The following OLAH variants were observed in gnomAD, a reference collection of about 807,000 sequenced individuals.
OLAH encodes the protein oleoyl-ACP hydrolase.
In OLAH, 33 loss-of-function variants were observed where a neutral mutation model predicts 27.8. The ratio of observed to expected loss-of-function variants is 1.19; its 90% CI spans 0.90 to 1.59. The LOEUF (loss-of-function observed/expected upper bound fraction) is 1.59, where lower values mean the gene tolerates loss of function less well. OLAH is among the 40% of genes most tolerant of loss of function. The pLI, the probability that OLAH is intolerant of heterozygous loss-of-function variation, is 0.00. For missense variants in OLAH, 359 were observed against 310.8 expected (o/e 1.16, Z -1.17); for synonymous variants, 120 against 102.9 (o/e 1.17, Z -1.01).
intron 6 of OLAH, 129 bp from the exon 7 acceptor site, chr10:15,071,666 G>C: frequency 7.1e-7 from 1 of 1,414,318 alleles, no homozygotes; most frequent in Non-Finnish European, 9.4e-7. Flanking sequence ...GGTGAAAAAT[G>C]TTTTACACTG....
upstream of OLAH, among the ~76,000 whole-genome samples, chr10:15,041,580 T>C (rs1038555702): frequency 6.9e-5 from 6 of 86,366 alleles, no homozygotes; most frequent in African/African-American, 3.2e-4. Flanking sequence ...ACCCAGCCAT[T>C]TTTTTTTTCT....
intron 3 of OLAH, among the ~76,000 whole-genome samples, chr10:15,056,486 A>G (rs1844247651): frequency 6.6e-6 from 1 of 152,208 alleles, no homozygotes; most frequent in Admixed American, 6.5e-5. Context: ...TGCTCTGTGC[A>G]TGAAATTATT....
At chr10:15,050,436 T>C (rs909158130) in intron 3 of OLAH, among the ~76,000 whole-genome samples, 1 of 152,028 alleles carries the variant, frequency 6.6e-6, no homozygotes, top group African/African-American at 2.4e-5. Flanking sequence ...CCCAGCTAAT[T>C]TTTGCATTTT....
At chr10:15,055,131 AT>A (rs1387748039) in intron 3 of OLAH, among the ~76,000 whole-genome samples, 1 of 152,126 alleles carries the variant, frequency 6.6e-6, no homozygotes, top group Non-Finnish European at 1.5e-5. Flanking sequence ...CGCCCGGCTA[AT>A]TTTTATATTT....
At chr10:15,056,036 G>T (rs1844238994) in intron 3 of OLAH, among the ~76,000 whole-genome samples, 1 of 152,006 alleles carries the variant, frequency 6.6e-6, no homozygotes, top group Admixed American at 6.6e-5. Flanking sequence ...TTTTAGTAGA[G>T]ACAGGATTTC....
At chr10:15,064,960 C>T (rs1355438657) in intron 5 of OLAH, among the ~76,000 whole-genome samples, 1 of 152,184 alleles carries the variant, frequency 6.6e-6, no homozygotes, top group African/African-American at 2.4e-5. Context: ...CCCAGCCTGC[C>T]ATTACTTGCA....
rs751219091 is a variant in OLAH at position 15,064,431 on chromosome 10, G to C, written c.331G>C (p.Ala111Pro). Residue 111 changes from alanine to proline, a missense_variant, in exon 5 of 8, where the codon GCA becomes CCA. Coordinates refer to ENST00000378228, the MANE Select transcript of OLAH (RefSeq NM_001039702.3). Reference sequence around the variant, plus strand: ...GGGATCCTACATTGCTTTTAGGACTGCACTAGGTCTAAAAGAAAACAATCA... The same window carrying C: ...GGGATCCTACATTGCTTTTAGGACTCCACTAGGTCTAAAAGAAAACAATCA... ...SMGSYIAFRT[A>P]LGLKENNQPE... The C allele has an allele frequency of 2.5e-6, 4 of 1,601,694 alleles. No individual in the cohort carries two copies. Among genetic ancestry groups the C allele is most frequent in the Non-Finnish European group, 1.7e-6 (2 of 1,175,076 alleles).
chr10:15,066,144 G>A (rs61842447), intron 6 of OLAH, among the ~76,000 whole-genome samples: 16,902 of 151,780 alleles, frequency 0.11, 1,336 homozygotes, highest in African/African-American at 0.21. Flanking sequence ...GGGAGGCTGA[G>A]GCAGGAGAAT....
intron 3 of OLAH, among the ~76,000 whole-genome samples, chr10:15,059,401 G>C (rs113995222): frequency 1.3e-5 from 2 of 151,420 alleles, no homozygotes; most frequent in Non-Finnish European, 2.9e-5. Context: ...CATTGCCCAG[G>C]CTGTCTCAAA....
chr10:15,032,461 A>G (rs1434050906), intron 1 of OLAH: 1 of 151,692 alleles, frequency 6.6e-6, no homozygotes, highest in African/African-American at 2.4e-5. Flanking sequence ...AAAATACAAA[A>G]AAAAAAAAAA....
At chr10:15,050,020 A>G (rs1047068314) in intron 3 of OLAH, among the ~76,000 whole-genome samples, 1 of 152,208 alleles carries the variant, frequency 6.6e-6, no homozygotes, top group Non-Finnish European at 1.5e-5. Context: ...AATTATTGAT[A>G]TGGTTGAACT....
At chr10:15,072,666 G>A (rs1844613716) in intron 7 of OLAH, among the ~76,000 whole-genome samples, 1 of 151,874 alleles carries the variant, frequency 6.6e-6, no homozygotes, top group South Asian at 2.1e-4. Context: ...GGTAGGGTTG[G>A]AATGTCTCTG....
At chr10:15,061,891 A>G (rs1045585087) in intron 4 of OLAH, 29 bp downstream of exon 4, 4 of 1,600,692 alleles carry the variant, frequency 2.5e-6, no homozygotes, top group Non-Finnish European at 3.4e-6. Context: ...AAAAGACTTC[A>G]GGGGAGTTTC....
At chr10:15,042,875 T>TTTTTTA (rs1843944251), upstream of OLAH, among the ~76,000 whole-genome samples, 1 of 142,980 alleles carries the variant, frequency 7.0e-6, no homozygotes, top group Non-Finnish European at 1.5e-5. Context: ...TTTTTTTTTT[T>TTTTTTA]GAGATGGAGG....
chr10:15,072,589 A>T (rs1844611938), intron 7 of OLAH, among the ~76,000 whole-genome samples: 1 of 152,060 alleles, frequency 6.6e-6, no homozygotes, highest in Admixed American at 6.6e-5. Flanking sequence ...TGAAGAGTAT[A>T]TATTGGTTTT....
intron 3 of OLAH, among the ~76,000 whole-genome samples, chr10:15,056,525 C>T (rs2131358641): frequency 6.6e-6 from 1 of 152,300 alleles, no homozygotes; most frequent in South Asian, 2.1e-4. Flanking sequence ...ACCCTTATTA[C>T]AAGTAAGATT....
At chr10:15,041,432 C>T (rs1259700959), upstream of OLAH, among the ~76,000 whole-genome samples, 1 of 151,360 alleles carries the variant, frequency 6.6e-6, no homozygotes, top group Non-Finnish European at 1.5e-5. Context: ...GCATGTGCCT[C>T]CACGCCTGCC....
intron 3 of OLAH, among the ~76,000 whole-genome samples, chr10:15,058,621 G>C (rs545028600): frequency 7.9e-5 from 12 of 152,050 alleles, no homozygotes; most frequent in Non-Finnish European, 1.5e-4. Context: ...CTGAGTTTGT[G>C]GGGGGGAAAA....
At chr10:15,055,046 C>A (rs1844220453) in intron 3 of OLAH, among the ~76,000 whole-genome samples, 2 of 152,000 alleles carry the variant, frequency 1.3e-5, no homozygotes, top group South Asian at 4.1e-4. Flanking sequence ...CTCACTGCAA[C>A]CTCTGCCTCC....
Sources: gnomAD v4.1 joint callset for allele counts (sites outside exome capture counted in the v4.1 genomes callset) on GRCh38, gnomAD v4.1.1 for gene constraint, MANE v1.5 for transcripts, NCBI Gene and HGNC (gene_info 2026-07-23, HGNC 2026-07-21) for gene names.